MCPH1: variants seen among roughly 807,000 people sequenced by gnomAD.
MCPH1 encodes microcephalin.
MCPH1 carries 104 observed loss-of-function variants against 84.5 expected under a neutral mutation model. That is an observed-to-expected ratio of 1.23 (90% CI 1.05 to 1.45). MCPH1 has a LOEUF of 1.45. MCPH1 is among the 40% of genes most tolerant of loss of function. MCPH1 has a pLI of 0.00. For synonymous variants in MCPH1, 514 were observed against 366.8 expected (o/e 1.40, Z -4.58); for missense variants, 1,498 against 1,005.7 (o/e 1.49, Z -6.62).
chr8:6,454,060 A>G (rs928948999), intron 8 of MCPH1, among the ~76,000 whole-genome samples: 1 of 152,216 alleles, frequency 6.6e-6, no homozygotes, highest in African/African-American at 2.4e-5. Context: ...TTTTTACCTT[A>G]GACTCTCCAA....
At chr8:6,495,434 C>G (rs1369213901) in intron 11 of MCPH1, among the ~76,000 whole-genome samples, 1 of 152,154 alleles carries the variant, frequency 6.6e-6, no homozygotes, top group Non-Finnish European at 1.5e-5. Context: ...GGGGAAGAAT[C>G]CCAAATCTTC....
chr8:6,604,928 C>T (rs1829644365), intron 12 of MCPH1, among the ~76,000 whole-genome samples: 1 of 152,226 alleles, frequency 6.6e-6, no homozygotes, highest in South Asian at 2.1e-4. Context: ...GCAAGAAGAT[C>T]AGAAGGAACC....
intron 11 of MCPH1, among the ~76,000 whole-genome samples, chr8:6,486,892 A>T (rs1035026269): frequency 4.6e-5 from 7 of 152,090 alleles, no homozygotes; most frequent in African/African-American, 1.7e-4. Flanking sequence ...TCTTTATCCC[A>T]CTCTCACTTA....
At chr8:6,607,302 C>G (rs1829862601) in intron 12 of MCPH1, among the ~76,000 whole-genome samples, 1 of 152,222 alleles carries the variant, frequency 6.6e-6, no homozygotes, top group Non-Finnish European at 1.5e-5. Flanking sequence ...TCACCATTAG[C>G]TCACTCCCAG....
chr8:6,526,677 A>G (rs1818409421), intron 12 of MCPH1, among the ~76,000 whole-genome samples: 1 of 152,244 alleles, frequency 6.6e-6, no homozygotes, highest in African/African-American at 2.4e-5. Flanking sequence ...CAATTATTGA[A>G]CAAGAAGTTT....
At chr8:6,481,264 G>A (rs1469713478) in intron 11 of MCPH1, among the ~76,000 whole-genome samples, 1 of 152,180 alleles carries the variant, frequency 6.6e-6, no homozygotes, top group African/African-American at 2.4e-5. Flanking sequence ...AAATAATTCA[G>A]TGATTGTTTG....
At chr8:6,535,723 T>C (rs1820363145) in intron 12 of MCPH1, among the ~76,000 whole-genome samples, 4 of 152,114 alleles carry the variant, frequency 2.6e-5, no homozygotes, top group Non-Finnish European at 4.4e-5. Flanking sequence ...GAACCAAAAA[T>C]GTGCAGTAGT....
At chr8:6,555,733 G>T (rs1052048246) in intron 12 of MCPH1, among the ~76,000 whole-genome samples, 1 of 152,138 alleles carries the variant, frequency 6.6e-6, no homozygotes, top group Non-Finnish European at 1.5e-5. Flanking sequence ...AAAGTGCTGC[G>T]ATTACAGGCA....
At chr8:6,626,918 T>G in intron 13 of MCPH1, 1 of 985,328 alleles carries the variant, frequency 1.0e-6, no homozygotes, top group Non-Finnish European at 1.2e-6. Flanking sequence ...CTGGGCTCCA[T>G]TCAAGTGATA....
intron 3 of MCPH1, among the ~76,000 whole-genome samples, chr8:6,419,812 T>C (rs1388355926): frequency 1.3e-5 from 2 of 152,154 alleles, no homozygotes; most frequent in African/African-American, 4.8e-5. Context: ...AATATTTGAT[T>C]CAAGTTCAAG....
chr8:6,522,740 C>T (rs1817603074), intron 12 of MCPH1, among the ~76,000 whole-genome samples: 1 of 151,412 alleles, frequency 6.6e-6, no homozygotes, highest in African/African-American at 2.4e-5. Context: ...TGCCATTGCA[C>T]TCCAGCCTGG....
At chr8:6,481,703 G>A (rs1305382623) in intron 11 of MCPH1, among the ~76,000 whole-genome samples, 1 of 152,358 alleles carries the variant, frequency 6.6e-6, no homozygotes, top group East Asian at 1.9e-4. Context: ...AGAGGTTAAA[G>A]AGATTAGTGC....
At chr8:6,557,160 G>A (rs1415666943) in intron 12 of MCPH1, among the ~76,000 whole-genome samples, 10 of 152,222 alleles carry the variant, frequency 6.6e-5, no homozygotes, top group Non-Finnish European at 1.5e-4. Flanking sequence ...CAGCCCCACG[G>A]AAAATTCTGC....
chr8:6,462,227 A>T (rs1010841030), intron 9 of MCPH1, among the ~76,000 whole-genome samples: 6 of 152,232 alleles, frequency 3.9e-5, no homozygotes, highest in African/African-American at 1.4e-4. Flanking sequence ...TTTCTCAAAT[A>T]GGGTGCAAAA....
At chr8:6,444,262 A>G in intron 7 of MCPH1, 131 bp from the exon 8 acceptor site, 1 of 1,035,196 alleles carries the variant, frequency 9.7e-7, no homozygotes, top group South Asian at 1.6e-5. Context: ...AATGAGAAGA[A>G]CTCAAGTGTG....
At chr8:6,419,953 T>C (rs1336258547) in intron 3 of MCPH1, among the ~76,000 whole-genome samples, 1 of 152,160 alleles carries the variant, frequency 6.6e-6, no homozygotes, top group Non-Finnish European at 1.5e-5. Flanking sequence ...TAGTCTATTC[T>C]ATTTCCATTC....
At chr8:6,429,212 A>C (rs2440427) in intron 3 of MCPH1, among the ~76,000 whole-genome samples, 1 of 152,050 alleles carries the variant, frequency 6.6e-6, no homozygotes, top group African/African-American at 2.4e-5. Context: ...ATTTCCTTTC[A>C]TGGAAAACTT....
At chr8:6,607,256 C>G (rs1829858853) in intron 12 of MCPH1, among the ~76,000 whole-genome samples, 1 of 152,184 alleles carries the variant, frequency 6.6e-6, no homozygotes, top group Admixed American at 6.5e-5. Flanking sequence ...AGAGAAGAAT[C>G]AGAACAAACA....
rs529426143 is a variant in MCPH1 at position 6,479,083 on chromosome 8, A to C, written c.1973+1452A>C. The stretch of plus-strand genomic sequence containing the variant: ...AGTTCAAGACCAGCCTGGGCAACAT[A>C]GCAAAACCTTGTGTCTACAAAAAAA... On this transcript the variant is annotated intron_variant, in intron 10 of 13. Coordinates refer to ENST00000344683, the MANE Select transcript of MCPH1 (RefSeq NM_024596.5). 3.9e-3 allele frequency among the ~76,000 whole-genome samples: 596 copies of C among 152,282 alleles called. 5 individuals carry two copies. The highest frequency in any genetic ancestry group is 6.6e-3 in the Non-Finnish European group (446 of 68,016).
Sources: gnomAD v4.1 joint callset for allele counts (sites outside exome capture counted in the v4.1 genomes callset) on GRCh38, gnomAD v4.1.1 for gene constraint, MANE v1.5 for transcripts, NCBI Gene and HGNC (gene_info 2026-07-23, HGNC 2026-07-21) for gene names.